The following NBPF26 variants were observed in gnomAD, a reference collection of about 807,000 sequenced individuals.
The protein encoded by NBPF26 is NBPF member 26, also known as NBPF family member NBPF26.
In NBPF26, 79 loss-of-function variants were observed where a neutral mutation model predicts 119.6. The ratio of observed to expected loss-of-function variants is 0.66; its 90% CI spans 0.55 to 0.80. NBPF26 has a LOEUF of 0.80. Among genes scored for constraint, NBPF26 ranks in the 30% least tolerant of loss-of-function variants. NBPF26 has a pLI of 0.00. For synonymous variants in NBPF26, 299 were observed against 457.7 expected, an observed-to-expected ratio of 0.65 and a Z score of 4.43; for missense variants, 800 against 1,198.2, an observed-to-expected ratio of 0.67 and a Z score of 4.91.
chr1:120,823,624 T>G (rs1342733861), intron 17 of NBPF26, among the ~76,000 whole-genome samples: 1 of 125,308 alleles, frequency 8.0e-6, no homozygotes, highest in Non-Finnish European at 1.6e-5. Flanking sequence ...CTTGACCACA[T>G]TTTACGCAAA....
intron 12 of NBPF26, among the ~76,000 whole-genome samples, chr1:120,815,297 T>A (rs1651983844): frequency 8.6e-6 from 1 of 116,552 alleles, no homozygotes; most frequent in East Asian, 2.1e-4. Flanking sequence ...CTATCTAGTT[T>A]TAAAGGACAG....
chr1:120,728,063 C>T lies in NBPF26; in HGVS notation c.73+3813C>T, dbSNP rs1287339514. On this transcript the variant is annotated intron_variant, in intron 1 of 29. Transcript: ENST00000620612. ...ACTAGAATTCCTTTCTTCTGGTGTC[C>T]AGTGCCTCATTCACTGTCCACGTTG... 1.9e-3 allele frequency among the ~76,000 whole-genome samples: 227 copies of T among 118,628 alleles called. 83 individuals are homozygous for T. Among genetic ancestry groups the T allele is most frequent in the African/African-American group, 0.011 (223 of 20,558 alleles). The allele number at this position is 118,628 out of a possible 152,430, so 77.8% of individuals were successfully genotyped here.
chr1:120,729,990 A>C (rs1650858396), intron 1 of NBPF26, among the ~76,000 whole-genome samples: 1 of 99,630 alleles, frequency 1.0e-5, no homozygotes, highest in African/African-American at 7.0e-5. Flanking sequence ...CTTAGTACAG[A>C]GAAGAAAGCT....
At chr1:120,726,404 TTTA>T (rs1483803930) in intron 1 of NBPF26, among the ~76,000 whole-genome samples, 1 of 61,026 alleles carries the variant, frequency 1.6e-5, no homozygotes. Context: ...ATCCTCCTAA[TTTA>T]TTATTGTGTT....
exon 5 of NBPF26, chr1:120,805,705 A>C: frequency 1.4e-6 from 2 of 1,455,174 alleles, no homozygotes; most frequent in African/African-American, 2.1e-5. Flanking sequence ...GAGAAACCTC[A>C]AAGAGAAATG....
rs1300290116 is a variant in NBPF26 at position 120,737,728 on chromosome 1, A to G, written c.73+13478A>G. ...GAGACAACTCGGCAGGTCTGGTGTC[A>G]TTAGTGATTCAGAATTGGATTAGCC... On this transcript the variant is annotated intron_variant, in intron 1 of 29. Transcript: ENST00000620612. Among the ~76,000 whole-genome samples, 35 of 125,598 alleles carry G rather than the reference A, an allele frequency of 2.8e-4. 5 individuals are homozygous for G. The highest frequency in any genetic ancestry group is 3.7e-3 in the Middle Eastern group (1 of 270). The allele number at this position is 125,598 out of a possible 152,430, so 82.4% of individuals were successfully genotyped here. A position where few individuals can be genotyped will look rare whatever the true frequency, so the allele number is the denominator to read the frequency against.
chr1:120,806,535 G>A lies in NBPF26; in HGVS notation c.961+770G>A, dbSNP rs1332273384. ...TTGAACCCAGCAGGCAGATGTTGCA[G>A]TGAGCCAAGATTGCACTATTGAACT... On this transcript the variant is annotated intron_variant, in intron 5 of 29. Transcript: ENST00000620612. Among the ~76,000 whole-genome samples the A allele has an allele frequency of 8.0e-5, 10 of 124,636 alleles. 3 individuals are homozygous for A. Among genetic ancestry groups the A allele is most frequent in the Non-Finnish European group, 1.6e-4 (10 of 61,194 alleles). The allele number at this position is 124,636 out of a possible 152,430, so 81.8% of individuals were successfully genotyped here.
Position 120,801,559 on chromosome 1 carries a change from G to A in NBPF26, c.752-3997G>A, listed in dbSNP as rs1167965218. 9.5e-5 allele frequency among the ~76,000 whole-genome samples: 9 copies of A among 94,556 alleles called. 2 individuals are homozygous for A. Among genetic ancestry groups the A allele is most frequent in the Non-Finnish European group, 1.7e-4 (9 of 52,510 alleles). The allele number at this position is 94,556 out of a possible 152,430, so 62.0% of individuals were successfully genotyped here. A position where few individuals can be genotyped will look rare whatever the true frequency, so the allele number is the denominator to read the frequency against. On this transcript the variant is annotated intron_variant, in intron 4 of 29. Coordinates refer to ENST00000620612, the Ensembl canonical transcript of NBPF26. The stretch of plus-strand genomic sequence containing the variant: ...AAAAAGCATTTCAGGGCCAGGCTCA[G>A]TGGTTTACTCCTGTAATCCCAGCAC...
At chr1:120,805,840 C>T in intron 5 of NBPF26, 75 bp downstream of exon 5, 1 of 1,150,126 alleles carries the variant, frequency 8.7e-7, no homozygotes, top group Middle Eastern at 2.8e-4. Flanking sequence ...TAAATGCTCT[C>T]TCCATCAAAA....
chr1:120,785,018 C>A, exon 3 of NBPF26: 2 of 1,424,426 alleles, frequency 1.4e-6, no homozygotes, highest in Non-Finnish European at 1.9e-6. Flanking sequence ...CATCGAGACC[C>A]CTGTGAGAAG....
At chr1:120,790,535 C>CCTTTCTTTCTCT (rs1553268603) in intron 3 of NBPF26, among the ~76,000 whole-genome samples, 2 of 76,630 alleles carry the variant, frequency 2.6e-5, no homozygotes, top group Non-Finnish European at 4.6e-5. Flanking sequence ...TTTCTCCCTC[C>CCTTTCTTTCTCT]CTTTCTTTCT....
Position 120,817,806 on chromosome 1 carries a change from G to A in NBPF26, c.2372-317G>A, listed in dbSNP as rs1463289701. 3.0e-5 allele frequency among the ~76,000 whole-genome samples: 3 copies of A among 100,206 alleles called. 1 individual carries two copies. The highest frequency in any genetic ancestry group is 5.4e-5 in the Non-Finnish European group (3 of 55,188). The allele number at this position is 100,206 out of a possible 152,430, so 65.7% of individuals were successfully genotyped here. A position where few individuals can be genotyped will look rare whatever the true frequency, so the allele number is the denominator to read the frequency against. ...TTACCTGGTGATATAAGTCCATATC[G>A]CAGCAACACTCTTAGAAAATTGTTT... On this transcript the variant is annotated intron_variant, in intron 14 of 29. Coordinates refer to ENST00000620612, the Ensembl canonical transcript of NBPF26.
chr1:120,745,651 G>GA (rs1356464973), intron 1 of NBPF26, among the ~76,000 whole-genome samples: 1 of 78,258 alleles, frequency 1.3e-5, no homozygotes, highest in South Asian at 3.6e-4. Flanking sequence ...CGTCTCTACG[G>GA]AAAAAAATGC....
chr1:120,805,239 T>G (rs1651652141), intron 4 of NBPF26, among the ~76,000 whole-genome samples: 1 of 125,984 alleles, frequency 7.9e-6, no homozygotes, highest in South Asian at 2.4e-4. Context: ...GCAATTGGAA[T>G]GCAGGGCTCC....
At chr1:120,752,535 T>TAC (rs1651028889) in intron 1 of NBPF26, among the ~76,000 whole-genome samples, 2 of 14,694 alleles carry the variant, frequency 1.4e-4, no homozygotes, top group Non-Finnish European at 2.4e-4. Context: ...TATATATATA[T>TAC]ATATATATAT....
chr1:120,817,448 C>T (rs1289023397), intron 14 of NBPF26, among the ~76,000 whole-genome samples: 1 of 10,508 alleles, frequency 9.5e-5, no homozygotes, highest in Non-Finnish European at 1.5e-4. Flanking sequence ...TTTTTTTTTG[C>T]GATGGAGTCT....
exon 3 of NBPF26, chr1:120,785,146 T>G: frequency 6.9e-7 from 1 of 1,446,598 alleles, no homozygotes; most frequent in Admixed American, 1.9e-5. Context: ...TCATCCATGC[T>G]TTGTGTCTCG....
rs1278850444 is a variant in NBPF26, at chr1:120,726,877, C to T, written c.73+2627C>T. Among the ~76,000 whole-genome samples the T allele has an allele frequency of 1.7e-5, 2 of 114,480 alleles. 1 individual carries two copies. Among genetic ancestry groups the T allele is most frequent in the Admixed American group, 1.7e-4 (2 of 11,962 alleles). The allele number at this position is 114,480 out of a possible 152,430, so 75.1% of individuals were successfully genotyped here. A position where few individuals can be genotyped will look rare whatever the true frequency, so the allele number is the denominator to read the frequency against. On this transcript the variant is annotated intron_variant, in intron 1 of 29. Coordinates refer to ENST00000620612, the Ensembl canonical transcript of NBPF26. Reference sequence around the variant, plus strand: ...ATCTCTCTGCTCCATTCCCACCCTACTGCCTCTCCTGTAGGCTTCTATGAC... The same window carrying T: ...ATCTCTCTGCTCCATTCCCACCCTATTGCCTCTCCTGTAGGCTTCTATGAC...
chr1:120,810,068 C>A (rs1382400133), intron 8 of NBPF26, among the ~76,000 whole-genome samples, 185 bp downstream of exon 8: 3 of 130,716 alleles, frequency 2.3e-5, no homozygotes, highest in Admixed American at 2.2e-4. Context: ...TGCCAAGTGT[C>A]ATGTCTGTAC....
Sources: allele counts gnomAD v4.1 joint callset (sites outside exome capture counted in the v4.1 genomes callset), GRCh38; gene constraint gnomAD v4.1.1; transcripts MANE v1.5; gene names NCBI Gene and HGNC (gene_info 2026-07-23, HGNC 2026-07-21).